F11: variants seen among roughly 807,000 people sequenced by gnomAD.
F11 encodes the protein coagulation factor XI.
A neutral mutation model predicts 76.5 loss-of-function variants in F11; 78 were observed. The observed-to-expected ratio is 1.02, with a 90% CI of 0.85 to 1.23. The LOEUF is 1.23. Ranked by LOEUF, F11 falls within the 50% of genes most tolerant of loss-of-function variation. The probability of loss-of-function intolerance (pLI) is 0.00; values close to 1 mark genes in which losing one functional copy is unlikely to be tolerated. For missense variants in F11, 742 were observed against 771.4 expected (o/e 0.96, Z 0.45); for synonymous variants, 278 against 276.3 (o/e 1.01, Z -0.06).
chr4:186,281,055 C>T (rs551385785), intron 10 of F11, among the ~76,000 whole-genome samples: 7 of 151,996 alleles, frequency 4.6e-5, no homozygotes, highest in African/African-American at 1.7e-4. Context: ...TGGGATCTTG[C>T]CATGTTGCCC....
In F11 at chr4:186,283,213, G is replaced by A. The variant is rs368708478; in HGVS notation, c.1136-879G>A. ...AATTTTGAGTCGCATAGGTGTGTGC[G>A]TGTGTGTGCGCATGTATGTGTGCGT... On this transcript the variant is annotated intron_variant, in intron 10 of 14. Coordinates refer to ENST00000403665, the MANE Select transcript of F11 (RefSeq NM_000128.4). The A allele has an allele frequency of 4.0e-5, 7 of 174,170 alleles. No homozygotes were observed. In the South Asian group the frequency reaches 9.6e-4, roughly 24 times the overall value. 10.8% of individuals were successfully genotyped at this position (174,170 alleles called of 1,614,324 possible).
chr4:186,279,166 G>A (rs1365829650), intron 7 of F11, among the ~76,000 whole-genome samples: 2 of 152,132 alleles, frequency 1.3e-5, no homozygotes, highest in African/African-American at 2.4e-5. Context: ...GGTGAATCAC[G>A]AGGTCAGGAG....
intron 7 of F11, among the ~76,000 whole-genome samples, chr4:186,277,797 TTTTA>T (rs909219062): frequency 6.6e-6 from 1 of 152,166 alleles, no homozygotes; most frequent in Non-Finnish European, 1.5e-5. Context: ...GCTGTCCCTC[TTTTA>T]TTTATTTATT....
chr4:186,282,192 CT>C (rs1216192141), intron 10 of F11: 1 of 1,066,156 alleles, frequency 9.4e-7, no homozygotes, highest in Non-Finnish European at 1.2e-6. Flanking sequence ...ACATTGCAGA[CT>C]GCATTTTCCC....
chr4:186,270,417 T>C (rs1433146635), intron 2 of F11, among the ~76,000 whole-genome samples: 1 of 152,112 alleles, frequency 6.6e-6, no homozygotes, highest in Non-Finnish European at 1.5e-5. Context: ...TGTTTATATG[T>C]TTAGGGGGTG....
rs1345310129 is a variant in F11, at chr4:186,288,684, T to A, written c.*70T>A. 1.3e-6 allele frequency: 2 copies of A among 1,510,886 alleles called. No individual in the cohort carries two copies. The highest frequency in any genetic ancestry group is 1.4e-5 in the African/African-American group (1 of 72,780). 93.6% of individuals were successfully genotyped at this position (1,510,886 alleles called of 1,614,324 possible). On this transcript the variant is annotated 3_prime_UTR_variant, in exon 15 of 15. Coordinates refer to ENST00000403665, the MANE Select transcript of F11 (RefSeq NM_000128.4). Reference sequence around the variant, plus strand: ...TGCTGGGAGAGGGTGTTGAGTTCACTGTGCCAGCATGCTTCCTCCACAGTA... The same window carrying A: ...TGCTGGGAGAGGGTGTTGAGTTCACAGTGCCAGCATGCTTCCTCCACAGTA...
At chr4:186,266,697 A>T (rs1375422603) in intron 1 of F11, among the ~76,000 whole-genome samples, 1 of 152,172 alleles carries the variant, frequency 6.6e-6, no homozygotes, top group African/African-American at 2.4e-5. Flanking sequence ...TTAAATAGAA[A>T]ATTTTCTAAG....
At position 186,280,493 on chromosome 4, in the gene F11, C is replaced by G. The variant is rs751140931; in HGVS notation, c.1048C>G (p.Leu350Val). The part of the protein sequence containing the change: ...NEGKGKCYLK[L>V]SSNGSPTKIL... ...CTGCAGGGGCAAGTGTTACTTAAAGCTTTCTTCAAACGGATCTCCAACTAA... is the reference window on the plus strand; with the variant it reads ...CTGCAGGGGCAAGTGTTACTTAAAGGTTTCTTCAAACGGATCTCCAACTAA... Residue 350 changes from leucine to valine, a missense_variant, in exon 10 of 15, where the codon CTT (leucine) becomes GTT (valine). By Grantham distance (32) the Leu-to-Val change is conservative. Coordinates refer to ENST00000403665, the MANE Select transcript of F11 (RefSeq NM_000128.4). 4 of 1,614,122 alleles carry G rather than the reference C, an allele frequency of 2.5e-6. No homozygotes were observed. The highest frequency in any genetic ancestry group is 3.4e-6 in the Non-Finnish European group (4 of 1,180,006).
At position 186,280,237 on chromosome 4, in the gene F11, T is replaced by G; in HGVS notation, c.880T>G (p.Ser294Ala). 1.2e-6 allele frequency: 2 copies of G among 1,614,192 alleles called. 1 individual carries two copies. The highest frequency in any genetic ancestry group is 1.7e-6 in the Non-Finnish European group (2 of 1,180,046). Residue 294 changes from serine (S) to alanine (A), a missense_variant, in exon 9 of 15, where the codon TCA (serine) becomes GCA (alanine). By Grantham distance (99) the Ser-to-Ala change is moderately conservative (BLOSUM62 1). Coordinates refer to ENST00000403665, the MANE Select transcript of F11 (RefSeq NM_000128.4). Reference protein sequence around the residue: ...RHSIPVFCHSSFYHDTDFLGE... With the variant: ...RHSIPVFCHSAFYHDTDFLGE... ...CTGCTGTCTAGTGTTCTGCCATTCTTCATTTTACCATGACACTGATTTCTT... is the reference window on the plus strand; with the variant it reads ...CTGCTGTCTAGTGTTCTGCCATTCTGCATTTTACCATGACACTGATTTCTT...
chr4:186,273,310 GTA>G (rs1303671081), intron 4 of F11, 133 bp downstream of exon 4: 1 of 768,240 alleles, frequency 1.3e-6, no homozygotes, highest in Non-Finnish European at 2.3e-6. Context: ...TTCTTTCAGT[GTA>G]GAGTATAAAC....
chr4:186,266,925 C>T (rs1408695382), intron 1 of F11, among the ~76,000 whole-genome samples: 2 of 151,922 alleles, frequency 1.3e-5, no homozygotes, highest in Non-Finnish European at 2.9e-5. Context: ...CCGGCTTCTG[C>T]AGAGCTGTAA....
At chr4:186,271,461 AC>A in intron 2 of F11, 147 bp from the exon 3 acceptor site, 1 of 836,054 alleles carries the variant, frequency 1.2e-6, no homozygotes, top group Non-Finnish European at 2.0e-6. Context: ...CAATAAACTC[AC>A]ATAAAAGTGT....
In F11 at chr4:186,288,789, C is replaced by T. The variant is rs148610742; in HGVS notation, c.*175C>T. 1,845 of 699,766 alleles carry T rather than the reference C, an allele frequency of 2.6e-3. 27 individuals are homozygous for T. In the East Asian group the frequency reaches 0.034, roughly 13 times the overall value. The allele number at this position is 699,766 out of a possible 1,614,324, so 43.3% of individuals were successfully genotyped here. On this transcript the variant is annotated 3_prime_UTR_variant, in exon 15 of 15. Transcript: ENST00000403665. ...CACAAGTTGTTATGTCCAAAACTCC[C>T]GTTCTATGATCGTTGTAGTTTGTTT... is the stretch of plus-strand genomic sequence containing the variant.
intron 7 of F11, among the ~76,000 whole-genome samples, chr4:186,279,734 T>A (rs1278374254): frequency 6.6e-6 from 1 of 151,914 alleles, no homozygotes; most frequent in Non-Finnish European, 1.5e-5. Context: ...AGGAAGGAAA[T>A]GAAAAGGGAA....
At chr4:186,283,959 T>C in intron 10 of F11, 133 bp from the exon 11 acceptor site, 4 of 1,428,214 alleles carry the variant, frequency 2.8e-6, no homozygotes, top group Non-Finnish European at 3.9e-6. Context: ...AGCTTGATTA[T>C]AAAGTCTCTG....
intron 2 of F11, 99 bp from the exon 3 acceptor site, chr4:186,271,508 TGG>T: frequency 7.8e-7 from 1 of 1,288,620 alleles, no homozygotes. Context: ...GCGTATTTCC[TGG>T]TAAGTAGAGC....
intron 10 of F11, chr4:186,282,486 C>A: frequency 3.0e-6 from 3 of 985,328 alleles, no homozygotes; most frequent in Non-Finnish European, 3.6e-6. Flanking sequence ...ACTTAACTTT[C>A]TGAAGATAGA....
Position 186,280,220 on chromosome 4 carries a change from T to C in F11, c.866-3T>C. On this transcript the variant is annotated splice_region_variant and splice_polypyrimidine_tract_variant and intron_variant, in intron 8 of 14. Coordinates refer to ENST00000403665, the MANE Select transcript of F11 (RefSeq NM_000128.4). ...TCACTCTGACATGTGGTCTGCTGTC[T>C]AGTGTTCTGCCATTCTTCATTTTAC... 6.2e-7 allele frequency: 1 copy of C among 1,614,190 alleles called. No individual in the cohort carries two copies. Among genetic ancestry groups the C allele is most frequent in the Non-Finnish European group, 8.5e-7 (1 of 1,180,038 alleles).
intron 10 of F11, chr4:186,282,882 T>C: frequency 6.1e-6 from 6 of 985,328 alleles, no homozygotes; most frequent in Non-Finnish European, 7.2e-6. Context: ...TGCCCCAGAA[T>C]TATACACTCA....
Sources: gnomAD v4.1 joint callset for allele counts (sites outside exome capture counted in the v4.1 genomes callset) on GRCh38, gnomAD v4.1.1 for gene constraint, MANE v1.5 for transcripts, NCBI Gene and HGNC (gene_info 2026-07-23, HGNC 2026-07-21) for gene names.